The following CAPRIN1 variants were observed in gnomAD, a reference collection of about 807,000 sequenced individuals.
CAPRIN1 encodes cell cycle associated protein 1, also known as caprin-1.
In CAPRIN1, 29 loss-of-function variants were observed where a neutral mutation model predicts 100.9. The ratio of observed to expected loss-of-function variants is 0.29; its 90% CI spans 0.21 to 0.39. The LOEUF is 0.39. CAPRIN1 is among the 10% of genes least tolerant of loss of function. CAPRIN1 has a pLI of 1.00. For synonymous variants in CAPRIN1, 338 were observed against 307.5 expected, an observed-to-expected ratio of 1.10 and a Z score of -1.04; for missense variants, 795 against 876.7, an observed-to-expected ratio of 0.91 and a Z score of 1.18.
chr11:34,052,768 C>T, intron 2 of CAPRIN1, 132 bp downstream of exon 2: 1 of 1,404,022 alleles, frequency 7.1e-7, no homozygotes, highest in Non-Finnish European at 9.6e-7. Context: ...CACCCCCTGG[C>T]CCACACGCCC....
Position 34,052,431 on chromosome 11 carries a change from C to T in CAPRIN1, c.11C>T (p.Ala4Val). The T allele has an allele frequency of 1.2e-6, 2 of 1,607,516 alleles. No homozygotes were observed. The highest frequency in any genetic ancestry group is 1.7e-6 in the Non-Finnish European group (2 of 1,178,810). The change falls in exon 2 of 19, where the codon GCC (alanine) becomes GTC (valine). Residue 4 changes from alanine to valine, a missense_variant. Physicochemically the swap from Ala to Val is moderately conservative, Grantham distance 64. This residue lies in a region of CAPRIN1 where 109 missense variants were observed against 86.6 expected (regional missense o/e 1.26). Transcript: ENST00000341394. MPS[A>V]TSHSGSGSKS... The stretch of plus-strand genomic sequence containing the variant: ...CCTTGCGGTCTGAAGATGCCCTCGG[C>T]CACCAGCCACAGCGGGAGCGGCAGC...
chr11:34,053,034 C>G, intron 2 of CAPRIN1: 1 of 1,037,008 alleles, frequency 9.6e-7, no homozygotes, highest in East Asian at 1.1e-4. Context: ...GGTCCCTGCG[C>G]GGGGGGCTCC....
Position 34,101,209 on chromosome 11 carries a change from G to C in CAPRIN1, c.*1842G>C, listed in dbSNP as rs938940019. ...TTGGAAGGGTTAACCTGTTACTTTG[G>C]CAAATGAGTATTTTTTTGCTAGCAC... On this transcript the variant is annotated 3_prime_UTR_variant, in exon 19 of 19. Transcript: ENST00000341394. The C allele has an allele frequency of 3.3e-5, 5 of 152,204 alleles. No homozygotes were observed. Among genetic ancestry groups the C allele is most frequent in the African/African-American group, 1.2e-4 (5 of 41,422 alleles). The allele number at this position is 152,204 out of a possible 1,614,324, so 9.4% of individuals were successfully genotyped here.
chr11:34,076,527 A>G (rs1368180271), intron 5 of CAPRIN1, 33 bp from the exon 6 acceptor site: 1 of 1,607,124 alleles, frequency 6.2e-7, no homozygotes, highest in Non-Finnish European at 8.5e-7. Flanking sequence ...TTGACAACTG[A>G]AAGGTTATTA....
chr11:34,096,005 A>C (rs1182269005), intron 15 of CAPRIN1, among the ~76,000 whole-genome samples: 1 of 152,204 alleles, frequency 6.6e-6, no homozygotes, highest in Non-Finnish European at 1.5e-5. Flanking sequence ...CTTAAATATG[A>C]GAGAGTGGTT....
intron 4 of CAPRIN1, among the ~76,000 whole-genome samples, chr11:34,073,003 A>G (rs1231747237): frequency 6.6e-6 from 1 of 152,224 alleles, no homozygotes; most frequent in Non-Finnish European, 1.5e-5. Context: ...TGTGTAGTAG[A>G]TTGTACTATC....
At position 34,098,375 on chromosome 11, in the gene CAPRIN1, GTT is replaced by G. The variant is rs990840008; in HGVS notation, c.2065+619_2065+620del. On this transcript the variant is annotated intron_variant, in intron 18 of 18. Coordinates refer to ENST00000341394, the MANE Select transcript of CAPRIN1 (RefSeq NM_005898.5). ...TTAAAAAAAATTACAGGTTTAGAGAGTTTTTTGTTTTTCTTTTACTGTTGGAA... is the reference window on the plus strand; with the variant it reads ...TTAAAAAAAATTACAGGTTTAGAGAGTTTTGTTTTTCTTTTACTGTTGGAA... 1.3e-5 allele frequency: 13 copies of G among 985,098 alleles called. No individual in the cohort carries two copies. The South Asian group carries it at 6.1e-4, about 46-fold the overall frequency. The allele number at this position is 985,098 out of a possible 1,614,324, so 61.0% of individuals were successfully genotyped here. A position where few individuals can be genotyped will look rare whatever the true frequency, so the allele number is the denominator to read the frequency against.
chr11:34,062,752 A>G (rs947372435), intron 2 of CAPRIN1, among the ~76,000 whole-genome samples: 1 of 152,138 alleles, frequency 6.6e-6, no homozygotes, highest in East Asian at 1.9e-4. Context: ...TACATAAAGT[A>G]TAGCTAGGTG....
intron 2 of CAPRIN1, among the ~76,000 whole-genome samples, chr11:34,069,624 C>T (rs1326796049): frequency 1.3e-5 from 2 of 151,802 alleles, no homozygotes. Context: ...TCTTCTGCAC[C>T]TGGGGTCAGG....
rs565301471 is a variant in CAPRIN1, at chr11:34,071,556, T to C, written c.217-170T>C. Among the ~76,000 whole-genome samples, 82 of 152,024 alleles carry C rather than the reference T, an allele frequency of 5.4e-4. 1 individual carries two copies. Among genetic ancestry groups the C allele is most frequent in the African/African-American group, 1.9e-3 (77 of 41,428 alleles). ...CGCTAGCCTGGGTGACGAGCGAAAC[T>C]CTGTCTCAAAAAAAAAAAATTTATG... On this transcript the variant is annotated intron_variant, in intron 2 of 18. Transcript: ENST00000341394.
chr11:34,088,631 C>T (rs888516970), intron 11 of CAPRIN1, among the ~76,000 whole-genome samples: 1 of 152,130 alleles, frequency 6.6e-6, no homozygotes, highest in East Asian at 1.9e-4. Flanking sequence ...TATGATGGCG[C>T]CACTGCACTC....
At chr11:34,076,755 GAC>G (rs1465941585) in intron 6 of CAPRIN1, 113 bp downstream of exon 6, 17 of 718,148 alleles carry the variant, frequency 2.4e-5, no homozygotes, top group Admixed American at 5.5e-5. Flanking sequence ...TTTTTTTGGA[GAC>G]AGAGTCTACT....
intron 9 of CAPRIN1, among the ~76,000 whole-genome samples, chr11:34,085,795 T>C (rs1421771395): frequency 6.6e-6 from 1 of 152,064 alleles, no homozygotes; most frequent in African/African-American, 2.4e-5. Context: ...CAGAGCTAGA[T>C]TCCGTCTCGA....
chr11:34,076,089 T>C (rs1194500916), intron 4 of CAPRIN1, 147 bp from the exon 5 acceptor site: 2 of 612,940 alleles, frequency 3.3e-6, no homozygotes, highest in African/African-American at 3.7e-5. Context: ...TTTAAAACTA[T>C]TTGTAAGTCA....
chr11:34,086,181 C>G lies in CAPRIN1; in HGVS notation c.1084C>G (p.Leu362Val). The part of the protein sequence containing the change: ...PLVRRQRVQD[L>V]MAQMQGPYNF... Reference sequence around the variant, plus strand: ...TGTGAGAAGACAGCGAGTACAAGACCTTATGGCACAAATGCAGGGTCCCTA... The same window carrying G: ...TGTGAGAAGACAGCGAGTACAAGACGTTATGGCACAAATGCAGGGTCCCTA... Residue 362 changes from leucine (L) to valine (V), a missense_variant, in exon 10 of 19, where the codon CTT becomes GTT. Coordinates refer to ENST00000341394, the MANE Select transcript of CAPRIN1 (RefSeq NM_005898.5). The G allele has an allele frequency of 6.2e-7, 1 of 1,614,124 alleles. No homozygotes were observed. Among genetic ancestry groups the G allele is most frequent in the Non-Finnish European group, 8.5e-7 (1 of 1,179,986 alleles).
In CAPRIN1 at chr11:34,099,098, CTT is replaced by C. The variant is rs1431903469; in HGVS notation, c.2066-204_2066-203del. Reference sequence around the variant, plus strand: ...GGTGGAATACTCCATTAGCTTTACTCTTCTTTTAGCTAAGAGAACATGAGCAA... The same window carrying C: ...GGTGGAATACTCCATTAGCTTTACTCCTTTTAGCTAAGAGAACATGAGCAA... On this transcript the variant is annotated intron_variant, in intron 18 of 18. Transcript: ENST00000341394. 4.2e-6 allele frequency: 6 copies of C among 1,423,424 alleles called. No individual in the cohort carries two copies. In the East Asian group the frequency reaches 1.5e-4, roughly 36 times the overall value. 88.2% of individuals were successfully genotyped at this position (1,423,424 alleles called of 1,614,324 possible).
At chr11:34,090,479 T>C (rs775377622) in intron 13 of CAPRIN1, 50 bp from the exon 14 acceptor site, 18 of 1,585,916 alleles carry the variant, frequency 1.1e-5, no homozygotes, top group African/African-American at 2.7e-5. Context: ...ACTTTTTGTT[T>C]GGCTAAGTTT....
chr11:34,090,903 T>C (rs1016251455), intron 14 of CAPRIN1, among the ~76,000 whole-genome samples: 1 of 152,232 alleles, frequency 6.6e-6, no homozygotes, highest in Non-Finnish European at 1.5e-5. Context: ...CTGTATCATC[T>C]TAATTTGTAG....
chr11:34,090,699 T>C (rs1329741846), intron 14 of CAPRIN1, 21 bp downstream of exon 14: 1 of 1,605,282 alleles, frequency 6.2e-7, no homozygotes, highest in Non-Finnish European at 8.5e-7. Context: ...TAACTAACAT[T>C]AATTGCCTAG....
Sources: allele counts gnomAD v4.1 joint callset (sites outside exome capture counted in the v4.1 genomes callset), GRCh38; gene constraint gnomAD v4.1.1; regional missense constraint gnomAD v4.1.1; transcripts MANE v1.5; gene names NCBI Gene and HGNC (gene_info 2026-07-23, HGNC 2026-07-21).